The following TBX20 variants were observed in gnomAD, a reference collection of about 807,000 sequenced individuals.
TBX20 encodes the protein T-box transcription factor 20.
TBX20 carries 8 observed loss-of-function variants against 42.9 expected under a neutral mutation model. That is an observed-to-expected ratio of 0.19 (90% CI 0.11 to 0.34). The LOEUF (loss-of-function observed/expected upper bound fraction) is 0.34. TBX20 is among the 10% of genes least tolerant of loss of function. The pLI, the probability that TBX20 is intolerant of heterozygous loss-of-function variation, is 1.00. For synonymous variants in TBX20, 198 were observed against 222.8 expected (o/e 0.89, Z 0.99); for missense variants, 411 against 566.0 (o/e 0.73, Z 2.78).
At chr7:35,224,044 G>A (rs1277532685) in intron 6 of TBX20, among the ~76,000 whole-genome samples, 1 of 152,128 alleles carries the variant, frequency 6.6e-6, no homozygotes, top group East Asian at 1.9e-4. Context: ...AATTACATGG[G>A]ACAGACATTA....
Position 35,252,380 on chromosome 7 carries a change from A to AT in TBX20, c.127+1113dup, listed in dbSNP as rs10713208. Among the ~76,000 whole-genome samples, 1,020 of 146,004 alleles carry AT rather than the reference A, an allele frequency of 7.0e-3. 5 individuals are homozygous for AT. The highest frequency in any genetic ancestry group is 0.016 in the African/African-American group (654 of 39,666). On this transcript the variant is annotated intron_variant, in intron 1 of 7. Transcript: ENST00000408931. ...AAGGGGGTGAAAACTTAGAGGACAG[A>AT]TTTTTTTTTTTTTTTGACATTCTGT...
At chr7:35,205,331 G>A (rs1789382979) in intron 6 of TBX20, among the ~76,000 whole-genome samples, 3 of 151,584 alleles carry the variant, frequency 2.0e-5, no homozygotes, top group African/African-American at 7.3e-5. Context: ...ATTTGGCATT[G>A]GACAATTTGA....
intron 6 of TBX20, among the ~76,000 whole-genome samples, chr7:35,206,403 C>T (rs1477469469): frequency 6.6e-6 from 1 of 152,074 alleles, no homozygotes; most frequent in Non-Finnish European, 1.5e-5. Flanking sequence ...CAAAAATCAG[C>T]CAGGCATGGT....
At chr7:35,212,238 A>G (rs1789509227) in intron 6 of TBX20, among the ~76,000 whole-genome samples, 2 of 152,174 alleles carry the variant, frequency 1.3e-5, no homozygotes, top group Non-Finnish European at 2.9e-5. Flanking sequence ...CATTTTATAC[A>G]TTGCAGTTTT....
At chr7:35,222,741 T>C (rs529394799) in intron 6 of TBX20, among the ~76,000 whole-genome samples, 1 of 152,178 alleles carries the variant, frequency 6.6e-6, no homozygotes, top group Non-Finnish European at 1.5e-5. Context: ...ATCAGGTCTG[T>C]GTGGTGAAGC....
intron 6 of TBX20, among the ~76,000 whole-genome samples, chr7:35,216,127 C>T (rs951509020): frequency 6.6e-6 from 1 of 152,150 alleles, no homozygotes; most frequent in African/African-American, 2.4e-5. Context: ...GAAAGTAATA[C>T]TACTACTTTC....
chr7:35,203,112 T>C (rs1414470895), intron 7 of TBX20, among the ~76,000 whole-genome samples: 1 of 152,192 alleles, frequency 6.6e-6, no homozygotes, highest in Non-Finnish European at 1.5e-5. Context: ...TGTTCTGACC[T>C]CTGTAGTGTC....
intron 4 of TBX20, among the ~76,000 whole-genome samples, chr7:35,241,444 G>A (rs1790079684): frequency 6.6e-6 from 1 of 152,064 alleles, no homozygotes; most frequent in African/African-American, 2.4e-5. Context: ...ATTATTTATG[G>A]AGAAAAAAAT....
In TBX20 at chr7:35,219,937, G is replaced by A. The variant is rs1179822138; in HGVS notation, c.890+11567C>T. 1.3e-5 allele frequency among the ~76,000 whole-genome samples: 2 copies of A among 152,202 alleles called. 1 individual carries two copies. The highest frequency in any genetic ancestry group is 3.8e-4 in the East Asian group (2 of 5,198). On this transcript the variant is annotated intron_variant, in intron 6 of 7. Transcript: ENST00000408931. Reference sequence around the variant, plus strand: ...TGTTTGAAAGTTTTATTCAGTGCAAGTGGTTTTAAAGTCACTTTTATAGAG... The same window carrying A: ...TGTTTGAAAGTTTTATTCAGTGCAAATGGTTTTAAAGTCACTTTTATAGAG...
In TBX20 at chr7:35,232,328, G is replaced by A. The variant is rs147950830; in HGVS notation, c.814-748C>T. 4.6e-3 allele frequency among the ~76,000 whole-genome samples: 704 copies of A among 152,308 alleles called. 6 individuals carry two copies. The highest frequency in any genetic ancestry group is 0.016 in the African/African-American group (664 of 41,558). On this transcript the variant is annotated intron_variant, in intron 5 of 7. Transcript: ENST00000408931. Reference sequence around the variant, plus strand: ...GAATTCCCATAGTACTACTATTAGTGTAGAAAGATCCATGAAATTATATGC... The same window carrying A: ...GAATTCCCATAGTACTACTATTAGTATAGAAAGATCCATGAAATTATATGC...
intron 3 of TBX20, among the ~76,000 whole-genome samples, chr7:35,246,618 A>C (rs1375315325): frequency 6.6e-6 from 1 of 152,152 alleles, no homozygotes; most frequent in Non-Finnish European, 1.5e-5. Context: ...TTATTATTAC[A>C]ATCAAGTGAT....
At chr7:35,226,002 G>A (rs1286020384) in intron 6 of TBX20, among the ~76,000 whole-genome samples, 1 of 151,938 alleles carries the variant, frequency 6.6e-6, no homozygotes, top group Non-Finnish European at 1.5e-5. Context: ...GACAAAGGGA[G>A]AATGAAAAAT....
intron 6 of TBX20, among the ~76,000 whole-genome samples, chr7:35,213,926 G>A (rs919312425): frequency 2.7e-5 from 4 of 149,582 alleles, no homozygotes; most frequent in African/African-American, 1.0e-4. Flanking sequence ...AGTGATGAGG[G>A]TAAAGGGAAG....
intron 4 of TBX20, among the ~76,000 whole-genome samples, chr7:35,243,015 T>C (rs1461415261): frequency 6.6e-6 from 1 of 152,114 alleles, no homozygotes; most frequent in Non-Finnish European, 1.5e-5. Context: ...TCTTGCTCTG[T>C]CACCCAGGCT....
intron 4 of TBX20, among the ~76,000 whole-genome samples, chr7:35,244,300 T>A (rs950034935): frequency 7.2e-5 from 11 of 152,216 alleles, no homozygotes; most frequent in African/African-American, 2.7e-4. Context: ...AAACTACTGA[T>A]AAGAACACAG....
At chr7:35,236,587 C>T (rs1332780559) in intron 5 of TBX20, among the ~76,000 whole-genome samples, 1 of 152,120 alleles carries the variant, frequency 6.6e-6, no homozygotes, top group Non-Finnish European at 1.5e-5. Context: ...CATATGTTTA[C>T]TGAGCACCTA....
intron 3 of TBX20, among the ~76,000 whole-genome samples, chr7:35,245,273 C>T (rs562448071): frequency 9.3e-5 from 14 of 150,410 alleles, no homozygotes; most frequent in Non-Finnish European, 1.6e-4. Context: ...TGAGATAATA[C>T]TTAACAAATT....
chr7:35,241,946 G>A (rs1790090680), intron 4 of TBX20, among the ~76,000 whole-genome samples: 1 of 152,168 alleles, frequency 6.6e-6, no homozygotes, highest in Non-Finnish European at 1.5e-5. Context: ...AGCTATCTAA[G>A]TCTGCAAAAT....
intron 6 of TBX20, among the ~76,000 whole-genome samples, chr7:35,208,872 A>G (rs999412941): frequency 4.0e-5 from 6 of 150,524 alleles, no homozygotes; most frequent in African/African-American, 1.5e-4. Context: ...TTTTTTGTAC[A>G]TACAATTTAC....
Sources: gnomAD v4.1 joint callset for allele counts (sites outside exome capture counted in the v4.1 genomes callset) on GRCh38, gnomAD v4.1.1 for gene constraint, MANE v1.5 for transcripts, NCBI Gene and HGNC (gene_info 2026-07-23, HGNC 2026-07-21) for gene names.